NYAP2: variants seen among roughly 807,000 people sequenced by gnomAD.
NYAP2 encodes neuronal tyrosine-phosphorylated phosphoinositide-3-kinase adaptor 2.
Under a neutral mutation model 50.4 loss-of-function variants are expected in NYAP2, and 23 were observed. The observed-to-expected ratio is 0.46, with a 90% CI of 0.33 to 0.65. The LOEUF is 0.65. NYAP2 is among the 30% of genes least tolerant of loss of function. The probability of loss-of-function intolerance (pLI) is 0.02; values close to 1 mark genes in which losing one functional copy is unlikely to be tolerated. For synonymous variants in NYAP2, 394 were observed against 365.2 expected, an observed-to-expected ratio of 1.08 and a Z score of -0.90; for missense variants, 885 against 861.0, an observed-to-expected ratio of 1.03 and a Z score of -0.35.
chr2:225,646,064 G>A (rs1693630755), intron 6 of NYAP2, among the ~76,000 whole-genome samples: 5 of 152,132 alleles, frequency 3.3e-5, no homozygotes, highest in Admixed American at 3.3e-4. Context: ...ATATTTTCTA[G>A]GATTTTCATG....
rs528251551 is a variant in NYAP2 at position 225,475,411 on chromosome 2, A to G, written c.222-37960A>G. ...GTTATCTCTGTAATGTTAGTTAATG[A>G]TAATGCTGTTATTAAAGCCATAAAC... On this transcript the variant is annotated intron_variant, in intron 3 of 6. Transcript: ENST00000636099. 7.9e-5 allele frequency among the ~76,000 whole-genome samples: 12 copies of G among 152,334 alleles called. No homozygotes were observed. In the South Asian group the frequency reaches 2.3e-3, roughly 29 times the overall value.
chr2:225,621,682 TGTG>T (rs957451776), intron 5 of NYAP2, among the ~76,000 whole-genome samples: 1 of 152,130 alleles, frequency 6.6e-6, no homozygotes, highest in African/African-American at 2.4e-5. Flanking sequence ...ACTTTTATAT[TGTG>T]GTATATTTTA....
chr2:225,630,313 G>GCAAAA (rs1201483980), intron 6 of NYAP2, among the ~76,000 whole-genome samples: 1 of 152,172 alleles, frequency 6.6e-6, no homozygotes, highest in African/African-American at 2.4e-5. Flanking sequence ...TCCGAGGTAG[G>GCAAAA]CAGTTCCAGG....
At chr2:225,556,540 T>G (rs1190491584) in intron 4 of NYAP2, among the ~76,000 whole-genome samples, 1 of 152,182 alleles carries the variant, frequency 6.6e-6, no homozygotes, top group African/African-American at 2.4e-5. Flanking sequence ...TCCTCAGTCA[T>G]TAGTATCCAC....
At chr2:225,571,571 C>T (rs570461454) in intron 4 of NYAP2, among the ~76,000 whole-genome samples, 2 of 152,292 alleles carry the variant, frequency 1.3e-5, no homozygotes, top group Non-Finnish European at 2.9e-5. Flanking sequence ...TACCTTGGCC[C>T]CTTTTAGCCA....
chr2:225,444,097 A>G (rs1689514232), intron 3 of NYAP2, among the ~76,000 whole-genome samples: 1 of 152,206 alleles, frequency 6.6e-6, no homozygotes, highest in Non-Finnish European at 1.5e-5. Context: ...TTTTTCAGAT[A>G]ACCTTGGAAT....
the NYAP2 span, among the ~76,000 whole-genome samples, chr2:225,677,363 A>G: frequency 6.6e-6 from 1 of 152,082 alleles, no homozygotes; most frequent in African/African-American, 2.4e-5. Context: ...GCAAAGAGAG[A>G]ATAGTTTTAC....
chr2:225,559,638 A>G (rs2106214818), intron 4 of NYAP2, among the ~76,000 whole-genome samples: 1 of 152,224 alleles, frequency 6.6e-6, no homozygotes, highest in African/African-American at 2.4e-5. Context: ...AGGAGAAGTC[A>G]TTATGTATCA....
chr2:225,565,126 G>A (rs1030568210), intron 4 of NYAP2, among the ~76,000 whole-genome samples: 34 of 145,236 alleles, frequency 2.3e-4, no homozygotes, highest in Admixed American at 1.3e-3. Context: ...GCAACACTCC[G>A]TCTCAAAAAA....
chr2:225,475,282 A>G (rs556998484), intron 3 of NYAP2, among the ~76,000 whole-genome samples: 2 of 152,126 alleles, frequency 1.3e-5, no homozygotes, highest in Admixed American at 1.3e-4. Flanking sequence ...GCTAAACCAT[A>G]CCAAACCAAA....
In NYAP2 at chr2:225,512,832, TCTC is replaced by T. The variant is rs1559200515; in HGVS notation, c.222-538_222-536del. 1.0e-3 allele frequency among the ~76,000 whole-genome samples: 106 copies of T among 101,028 alleles called. 4 individuals carry two copies. The highest frequency in any genetic ancestry group is 4.8e-3 in the East Asian group (16 of 3,366). 66.3% of individuals were successfully genotyped at this position (101,028 alleles called of 152,430 possible). A position where few individuals can be genotyped will look rare whatever the true frequency, so the allele number is the denominator to read the frequency against. On this transcript the variant is annotated intron_variant, in intron 3 of 6. Transcript: ENST00000636099. ...TCTTTTCTTTCTTTCTCTCTCTCTCTCTCTCTTTCTTTCTTTCTTTCTTCCTTC... is the reference window on the plus strand; with the variant it reads ...TCTTTTCTTTCTTTCTCTCTCTCTCTTCTTTCTTTCTTTCTTTCTTCCTTC...
chr2:225,485,830 G>A (rs1382909375), intron 3 of NYAP2, among the ~76,000 whole-genome samples: 2 of 152,146 alleles, frequency 1.3e-5, no homozygotes, highest in Admixed American at 6.5e-5. Flanking sequence ...AAGGTTTCTC[G>A]GCGTGACTGA....
chr2:225,426,084 TATAAC>T (rs1051777473), intron 3 of NYAP2, among the ~76,000 whole-genome samples: 1 of 151,924 alleles, frequency 6.6e-6, no homozygotes, highest in African/African-American at 2.4e-5. Context: ...ATTTAAAAAT[TATAAC>T]ATCCCCTAGA....
the NYAP2 span, chr2:225,703,234 A>G: frequency 1.3e-5 from 2 of 151,760 alleles, no homozygotes; most frequent in Non-Finnish European, 3.0e-5. Flanking sequence ...ACGGCACTAC[A>G]TTTTTAAAAG....
At chr2:225,608,697 C>T (rs1014777199) in intron 5 of NYAP2, among the ~76,000 whole-genome samples, 10 of 152,100 alleles carry the variant, frequency 6.6e-5, no homozygotes, top group South Asian at 2.1e-4. Context: ...TTATTTTCTA[C>T]GTGTCTCTAC....
chr2:225,601,380 TC>T (rs1165219021), intron 5 of NYAP2, among the ~76,000 whole-genome samples: 1 of 152,090 alleles, frequency 6.6e-6, no homozygotes, highest in African/African-American at 2.4e-5. Flanking sequence ...GACCTCGTGA[TC>T]CATCCTCCCG....
chr2:225,535,554 G>A (rs1691334307), intron 4 of NYAP2, among the ~76,000 whole-genome samples: 1 of 152,162 alleles, frequency 6.6e-6, no homozygotes, highest in Non-Finnish European at 1.5e-5. Context: ...AAAAGAAGGT[G>A]AGACCCTGCA....
chr2:225,666,513 G>C, the NYAP2 span, among the ~76,000 whole-genome samples: 3 of 152,140 alleles, frequency 2.0e-5, no homozygotes, highest in Non-Finnish European at 2.9e-5. Flanking sequence ...GTTCAGAAAC[G>C]CGAGACAACT....
intron 3 of NYAP2, among the ~76,000 whole-genome samples, chr2:225,454,219 T>C (rs1689700298): frequency 6.6e-6 from 1 of 152,040 alleles, no homozygotes; most frequent in South Asian, 2.1e-4. Flanking sequence ...CCAGCTATAA[T>C]GCCTGGGAGG....
Sources: gnomAD v4.1 joint callset for allele counts (sites outside exome capture counted in the v4.1 genomes callset) on GRCh38, gnomAD v4.1.1 for gene constraint, MANE v1.5 for transcripts, NCBI Gene and HGNC (gene_info 2026-07-23, HGNC 2026-07-21) for gene names.